TASOR2: variants seen among roughly 807,000 people sequenced by gnomAD.
The protein encoded by TASOR2 is protein TASOR 2.
In TASOR2, 84 loss-of-function variants were observed where a neutral mutation model predicts 199.5. The ratio of observed to expected loss-of-function variants is 0.42; its 90% CI spans 0.35 to 0.50. TASOR2 has a LOEUF of 0.50. Ranked by LOEUF, TASOR2 falls within the 20% of genes least tolerant of loss-of-function variation. The probability of loss-of-function intolerance (pLI) is 0.02; values close to 1 mark genes in which losing one functional copy is unlikely to be tolerated. For missense variants in TASOR2, 2,796 were observed against 2,835.9 expected (o/e 0.99, Z 0.32); for synonymous variants, 1,103 against 1,046.6 (o/e 1.05, Z -1.04).
Position 5,750,391 on chromosome 10 carries a change from T to C in TASOR2, c.6606+364T>C, listed in dbSNP as rs535551489. 7.2e-5 allele frequency among the ~76,000 whole-genome samples: 11 copies of C among 152,282 alleles called. No individual in the cohort carries two copies. Among genetic ancestry groups the C allele is most frequent in the South Asian group, 2.1e-4 (1 of 4,824 alleles). ...GTGTGGGTGGTCAAGTAGGACCTCT[T>C]TTGGTTTTGGATATATTTTTAATTT... On this transcript the variant is annotated intron_variant, in intron 15 of 20. Coordinates refer to ENST00000328090, the Ensembl canonical transcript of TASOR2. The surrounding 1 kb of genome is among the most constrained non-coding windows in gnomAD (Gnocchi z 5.4).
chr10:5,758,718 G>A (rs79565951), intron 17 of TASOR2, among the ~76,000 whole-genome samples, 169 bp from the exon 19 acceptor site: 30 of 152,352 alleles, frequency 2.0e-4, no homozygotes, highest in Non-Finnish European at 3.7e-4. Context: ...TGAGGGGCTT[G>A]TGAGAGCAGG....
intron 1 of TASOR2, among the ~76,000 whole-genome samples, chr10:5,696,972 G>T (rs1358132158): frequency 6.6e-6 from 1 of 152,114 alleles, no homozygotes; most frequent in Non-Finnish European, 1.5e-5. Flanking sequence ...AAGAGCACAA[G>T]AATTAGAAAA....
intron 1 of TASOR2, among the ~76,000 whole-genome samples, chr10:5,702,174 A>G (rs1837948604): frequency 6.6e-6 from 1 of 152,174 alleles, no homozygotes; most frequent in Non-Finnish European, 1.5e-5. Context: ...TCATAAACAG[A>G]TGTTAAATCT....
At chr10:5,746,754 C>T (rs1347457335) in exon 15 of TASOR2, 4 of 1,614,118 alleles carry the variant, frequency 2.5e-6, no homozygotes, top group Non-Finnish European at 3.4e-6. Flanking sequence ...GGGACATTCC[C>T]TCTCTAGTAG....
chr10:5,688,857 G>A (rs1836098325), intron 1 of TASOR2, among the ~76,000 whole-genome samples: 1 of 151,860 alleles, frequency 6.6e-6, no homozygotes, highest in African/African-American at 2.4e-5. Flanking sequence ...AAAAAAATTA[G>A]TGGAGCGTGG....
chr10:5,723,767 G>A, exon 7 of TASOR2: 1 of 1,595,268 alleles, frequency 6.3e-7, no homozygotes, highest in Non-Finnish European at 8.6e-7. Flanking sequence ...AGAATTACTT[G>A]GAGGAGAAAG....
rs140784046 is a variant in TASOR2 at position 5,715,728 on chromosome 10, C to T, written c.-191-1931C>T. ...CGCAATCTCAGCTCTCTGCAACCTT[C>T]GACTCCTTGGTTCAAGTGATTCTCC... On this transcript the variant is annotated intron_variant, in intron 2 of 20. Transcript: ENST00000328090. Among the ~76,000 whole-genome samples, 1,434 of 152,048 alleles carry T rather than the reference C, an allele frequency of 9.4e-3. 28 individuals are homozygous for T. The highest frequency in any genetic ancestry group is 0.033 in the African/African-American group (1,367 of 41,442).
intron 11 of TASOR2, 42 bp from the exon 13 acceptor site, chr10:5,735,262 G>T: frequency 6.4e-7 from 1 of 1,574,766 alleles, no homozygotes; most frequent in South Asian, 1.2e-5. Flanking sequence ...CTAAGTATCT[G>T]GGCCCCTACC....
intron 1 of TASOR2, among the ~76,000 whole-genome samples, chr10:5,695,572 A>G (rs1837053513): frequency 6.6e-6 from 1 of 152,210 alleles, no homozygotes; most frequent in Admixed American, 6.5e-5. Flanking sequence ...ATCATTTTTT[A>G]ATGGTAGAAA....
chr10:5,714,477 C>G, intron 2 of TASOR2: 1 of 270,800 alleles, frequency 3.7e-6, no homozygotes, highest in Non-Finnish European at 6.8e-6. Context: ...TAGAGCTGAC[C>G]GAACTTGGCA....
Position 5,720,378 on chromosome 10 carries a change from G to C in TASOR2, c.-99-166G>C, listed in dbSNP as rs571540506. 3 of 985,064 alleles carry C rather than the reference G, an allele frequency of 3.0e-6. No individual in the cohort carries two copies. Among genetic ancestry groups the C allele is most frequent in the South Asian group, 9.4e-5 (2 of 21,282 alleles). 61.0% of individuals were successfully genotyped at this position (985,064 alleles called of 1,614,324 possible). A position where few individuals can be genotyped will look rare whatever the true frequency, so the allele number is the denominator to read the frequency against. On this transcript the variant is annotated intron_variant, in intron 3 of 20. Transcript: ENST00000328090. The surrounding 1 kb of genome is among the most constrained non-coding windows in gnomAD (Gnocchi z 5.3). ...GTTTCTAACAAGACGAGTCATTTTC[G>C]TGCCTTTGAACTGAGTCAGGTATAG...
chr10:5,755,836 GAAAA>G (rs1166013600), intron 15 of TASOR2, among the ~76,000 whole-genome samples: 2 of 150,194 alleles, frequency 1.3e-5, no homozygotes, highest in African/African-American at 4.9e-5. Context: ...CTACCAAAAA[GAAAA>G]AAAAAGCCGG....
chr10:5,762,643 A>G (rs769073915), exon 20 of TASOR2: 2 of 1,334,900 alleles, frequency 1.5e-6, no homozygotes, highest in African/African-American at 1.5e-5. Context: ...AGGAGTAGCT[A>G]TTGGTAAGAA....
chr10:5,740,634 C>T lies in TASOR2; in HGVS notation c.2327+137C>T. ...TTTAAAACCAGTAATTTGATAATAA[C>T]ATCAAGCAAACATGTTTCCTGGCAA... On this transcript the variant is annotated intron_variant, in intron 13 of 20. Coordinates refer to ENST00000328090, the Ensembl canonical transcript of TASOR2. This position sits in a 1 kb window ranked among gnomAD's most constrained non-coding sequence, Gnocchi z 5.3. 3 of 914,358 alleles carry T rather than the reference C, an allele frequency of 3.3e-6. No individual in the cohort carries two copies. The highest frequency in any genetic ancestry group is 3.6e-5 in the South Asian group (2 of 55,782). The allele number at this position is 914,358 out of a possible 1,614,324, so 56.6% of individuals were successfully genotyped here. A position where few individuals can be genotyped will look rare whatever the true frequency, so the allele number is the denominator to read the frequency against.
chr10:5,763,423 G>T, exon 21 of TASOR2: 1 of 166,464 alleles, frequency 6.0e-6, no homozygotes, highest in Admixed American at 6.4e-5. Flanking sequence ...CTGTTTTAAA[G>T]GTTTTACCAC....
intron 6 of TASOR2, among the ~76,000 whole-genome samples, chr10:5,723,043 CTTTTTTTTT>C (rs1183983010): frequency 1.4e-5 from 1 of 72,896 alleles, no homozygotes; most frequent in East Asian, 5.1e-4. Flanking sequence ...CAGGAAATAA[CTTTTTTTTT>C]TTTTTTTTTT....
At position 5,709,756 on chromosome 10, in the gene TASOR2, CAA is replaced by C. The variant is rs572101461; in HGVS notation, c.-287-3063_-287-3062del. 9.4e-4 allele frequency: 1,017 copies of C among 1,084,068 alleles called. 9 individuals carry two copies. The African/African-American group carries it at 0.015, about 16-fold the overall frequency. 67.2% of individuals were successfully genotyped at this position (1,084,068 alleles called of 1,614,324 possible). On this transcript the variant is annotated intron_variant, in intron 1 of 20. Transcript: ENST00000328090. ...TAGTTTTAATTTAGATCATGTAAAACAAAAAGACTTTAAAAAATTATGATTTC... is the reference window on the plus strand; with the variant it reads ...TAGTTTTAATTTAGATCATGTAAAACAAAGACTTTAAAAAATTATGATTTC...
Position 5,751,314 on chromosome 10 carries a change from G to A in TASOR2, c.6606+1287G>A, listed in dbSNP as rs1414811827. 1.3e-5 allele frequency among the ~76,000 whole-genome samples: 2 copies of A among 152,114 alleles called. No homozygotes were observed. The highest frequency in any genetic ancestry group is 2.1e-4 in the South Asian group (1 of 4,828). On this transcript the variant is annotated intron_variant, in intron 15 of 20. Transcript: ENST00000328090. This position sits in a 1 kb window ranked among gnomAD's most constrained non-coding sequence, Gnocchi z 5.3. ...TCTTATCTGAATCAGTTATTACTAT[G>A]ATGATTGCCAAATAGTGATACTGAA...
intron 11 of TASOR2, among the ~76,000 whole-genome samples, chr10:5,732,706 C>G (rs1834998399): frequency 6.7e-6 from 1 of 149,640 alleles, no homozygotes; most frequent in Non-Finnish European, 1.5e-5. Context: ...TACAGGGGTG[C>G]CCCACTAATT....
Sources: allele counts gnomAD v4.1 joint callset (sites outside exome capture counted in the v4.1 genomes callset), GRCh38; gene constraint gnomAD v4.1.1; non-coding constraint Gnocchi (gnomAD v3.1); transcripts MANE v1.5; gene names NCBI Gene and HGNC (gene_info 2026-07-23, HGNC 2026-07-21).